LRRC4C: variants seen among roughly 807,000 people sequenced by gnomAD.
The protein encoded by LRRC4C is leucine-rich repeat-containing protein 4C.
In LRRC4C, 5 loss-of-function variants were observed where a neutral mutation model predicts 33.6. That is an observed-to-expected ratio of 0.15 (90% CI 0.08 to 0.31). LRRC4C has a LOEUF of 0.31. Among genes scored for constraint, LRRC4C ranks in the 10% least tolerant of loss-of-function variants. The pLI is 1.00. For missense variants in LRRC4C, 560 were observed against 796.7 expected (o/e 0.70, Z 3.58); for synonymous variants, 329 against 302.0 (o/e 1.09, Z -0.93).
chr11:40,313,767 C>A (rs1453934179), intron 4 of LRRC4C, among the ~76,000 whole-genome samples: 1 of 78,728 alleles, frequency 1.3e-5, no homozygotes, highest in Non-Finnish European at 2.6e-5. Flanking sequence ...GCCATCATGC[C>A]TGGCTATTTT....
chr11:40,560,595 G>GA lies in LRRC4C; in HGVS notation c.-270+87546dup, dbSNP rs200417010. Reference sequence around the variant, plus strand: ...AACTTACTGATAACTACTTCTATTTGAAAAAAATAAGAAGAGGGATTATTT... The same window carrying GA: ...AACTTACTGATAACTACTTCTATTTGAAAAAAAATAAGAAGAGGGATTATTT... On this transcript the variant is annotated intron_variant, in intron 3 of 6. Transcript: ENST00000528697. Among the ~76,000 whole-genome samples, 702 of 151,852 alleles carry GA rather than the reference G, an allele frequency of 4.6e-3. 22 individuals carry two copies. Among genetic ancestry groups the GA allele is most frequent in the Admixed American group, 0.032 (492 of 15,268 alleles).
rs1565219355 is a variant in LRRC4C at position 40,936,054 on chromosome 11, ATATATATATAT to A, written c.-495-2342_-495-2332del. ...TATATATATATATATATATATATAT[ATATATATATAT>A]AACATAGTTTGAACCTTAACTCTGT... On this transcript the variant is annotated intron_variant, in intron 1 of 6. Transcript: ENST00000528697. 1.1e-3 allele frequency among the ~76,000 whole-genome samples: 109 copies of A among 95,094 alleles called. 5 individuals are homozygous for A. Among genetic ancestry groups the A allele is most frequent in the South Asian group, 1.7e-3 (5 of 2,966 alleles). 62.4% of individuals were successfully genotyped at this position (95,094 alleles called of 152,430 possible). A position where few individuals can be genotyped will look rare whatever the true frequency, so the allele number is the denominator to read the frequency against.
At chr11:40,273,573 G>A (rs190355946) in intron 4 of LRRC4C, among the ~76,000 whole-genome samples, 139 of 152,156 alleles carry the variant, frequency 9.1e-4, no homozygotes, top group Non-Finnish European at 1.4e-3. Flanking sequence ...GCCTCTTTAC[G>A]ATGGATGTTA....
intron 1 of LRRC4C, among the ~76,000 whole-genome samples, chr11:41,356,597 T>G (rs1952169890): frequency 6.6e-6 from 1 of 152,158 alleles, no homozygotes; most frequent in Non-Finnish European, 1.5e-5. Flanking sequence ...ATTTTTGGCA[T>G]GACTTTAATC....
chr11:40,914,807 T>G lies in LRRC4C; in HGVS notation c.-407+18828A>C, dbSNP rs191200289. ...TATGTATCTAGAAAACCCCATCGTC[T>G]CAGCCCAAAAATCTCCTTAAGCTGA... On this transcript the variant is annotated intron_variant, in intron 2 of 6. Coordinates refer to ENST00000528697, the MANE Select transcript of LRRC4C (RefSeq NM_001258419.2). Among the ~76,000 whole-genome samples, 302 of 152,288 alleles carry G rather than the reference T, an allele frequency of 2.0e-3. 1 individual carries two copies. Among genetic ancestry groups the G allele is most frequent in the African/African-American group, 7.1e-3 (296 of 41,568 alleles).
intron 1 of LRRC4C, among the ~76,000 whole-genome samples, chr11:41,063,159 T>A (rs146020738): frequency 4.3e-4 from 66 of 152,352 alleles, no homozygotes; most frequent in African/African-American, 1.5e-3. Flanking sequence ...CTGTACTGTG[T>A]GTCAGAGTCT....
At chr11:40,992,530 T>C (rs1156259569) in intron 1 of LRRC4C, among the ~76,000 whole-genome samples, 1 of 152,090 alleles carries the variant, frequency 6.6e-6, no homozygotes, top group Non-Finnish European at 1.5e-5. Context: ...TCCTGACCCT[T>C]ATCAGATAGG....
chr11:41,198,147 A>G (rs1359660639), intron 1 of LRRC4C, among the ~76,000 whole-genome samples: 2 of 152,174 alleles, frequency 1.3e-5, no homozygotes, highest in South Asian at 2.1e-4. Flanking sequence ...AATTTTTGCT[A>G]TGGATAAATC....
At chr11:41,278,203 A>T (rs1949544265) in intron 1 of LRRC4C, among the ~76,000 whole-genome samples, 1 of 152,204 alleles carries the variant, frequency 6.6e-6, no homozygotes, top group South Asian at 2.1e-4. Flanking sequence ...TCACCACAAG[A>T]TCTATAATTA....
At chr11:41,016,284 T>C (rs1327339306) in intron 1 of LRRC4C, among the ~76,000 whole-genome samples, 2 of 152,100 alleles carry the variant, frequency 1.3e-5, no homozygotes, top group Non-Finnish European at 2.9e-5. Context: ...AGAGTGAAGA[T>C]AATATTTTTG....
intron 3 of LRRC4C, among the ~76,000 whole-genome samples, chr11:40,633,118 G>A (rs1963604048): frequency 1.3e-5 from 2 of 152,012 alleles, no homozygotes; most frequent in South Asian, 2.1e-4. Context: ...GTATAAATAT[G>A]TGGATAGACA....
chr11:40,881,200 C>T (rs1955158105), intron 2 of LRRC4C, among the ~76,000 whole-genome samples: 1 of 152,044 alleles, frequency 6.6e-6, no homozygotes, highest in South Asian at 2.1e-4. Flanking sequence ...ATTTCCCCAT[C>T]TCAGTGCTTT....
At chr11:40,670,219 G>C (rs1023794603) in intron 2 of LRRC4C, among the ~76,000 whole-genome samples, 1 of 152,156 alleles carries the variant, frequency 6.6e-6, no homozygotes, top group African/African-American at 2.4e-5. Flanking sequence ...ACCTTCACTA[G>C]ACAAGGGCTT....
At chr11:41,091,271 T>C (rs564747469) in intron 1 of LRRC4C, among the ~76,000 whole-genome samples, 15 of 152,136 alleles carry the variant, frequency 9.9e-5, no homozygotes, top group Admixed American at 2.0e-4. Flanking sequence ...TAATGATATG[T>C]ATAATTAAAA....
At chr11:40,768,053 A>T (rs1019056063) in intron 2 of LRRC4C, among the ~76,000 whole-genome samples, 1 of 152,002 alleles carries the variant, frequency 6.6e-6, no homozygotes, top group Non-Finnish European at 1.5e-5. Context: ...TAATGGAAAG[A>T]TAAACAGAAT....
intron 2 of LRRC4C, among the ~76,000 whole-genome samples, chr11:40,660,767 T>C (rs1943391661): frequency 6.6e-6 from 1 of 152,222 alleles, no homozygotes; most frequent in Admixed American, 6.5e-5. Context: ...GATAGTTTTG[T>C]GCCCATTTAC....
intron 3 of LRRC4C, among the ~76,000 whole-genome samples, chr11:40,418,196 AATCT>A (rs1950396191): frequency 1.3e-5 from 2 of 152,190 alleles, no homozygotes; most frequent in Admixed American, 6.5e-5. Context: ...AAATTTTTGC[AATCT>A]ATCTATTTAT....
At chr11:40,418,709 C>T (rs1399534788) in intron 3 of LRRC4C, among the ~76,000 whole-genome samples, 1 of 152,140 alleles carries the variant, frequency 6.6e-6, no homozygotes, top group East Asian at 1.9e-4. Context: ...CGGAATGAAC[C>T]CAAATGCCCA....
chr11:40,387,128 A>G (rs1025705289), intron 3 of LRRC4C, among the ~76,000 whole-genome samples: 1 of 152,156 alleles, frequency 6.6e-6, no homozygotes, highest in Non-Finnish European at 1.5e-5. Flanking sequence ...ATTATATAGA[A>G]TTATTCCTTT....
Sources: gnomAD v4.1 joint callset for allele counts (sites outside exome capture counted in the v4.1 genomes callset) on GRCh38, gnomAD v4.1.1 for gene constraint, MANE v1.5 for transcripts, NCBI Gene and HGNC (gene_info 2026-07-23, HGNC 2026-07-21) for gene names.